The following NCAM2 variants were observed in gnomAD, a reference collection of about 807,000 sequenced individuals.
NCAM2 encodes neural cell adhesion molecule 2.
NCAM2 carries 30 observed loss-of-function variants against 98.1 expected under a neutral mutation model. That is an observed-to-expected ratio of 0.31 (90% CI 0.23 to 0.41). The LOEUF is 0.41. Ranked by LOEUF, NCAM2 falls within the 10% of genes least tolerant of loss-of-function variation. The probability of loss-of-function intolerance (pLI) is 1.00; values close to 1 mark genes in which losing one functional copy is unlikely to be tolerated. For synonymous variants in NCAM2, 368 were observed against 342.4 expected (o/e 1.07, Z -0.83); for missense variants, 867 against 1,005.8 (o/e 0.86, Z 1.87).
intron 12 of NCAM2, among the ~76,000 whole-genome samples, chr21:21,444,137 A>G (rs1979730912): frequency 6.6e-6 from 1 of 152,044 alleles, no homozygotes; most frequent in African/African-American, 2.4e-5. Flanking sequence ...GATTACGTTT[A>G]TTGATTTGTG....
intron 9 of NCAM2, among the ~76,000 whole-genome samples, chr21:21,378,385 T>C (rs1336534943): frequency 6.6e-6 from 1 of 151,988 alleles, no homozygotes; most frequent in African/African-American, 2.4e-5. Context: ...ATGAAGTGAT[T>C]TTTCACTCTG....
intron 12 of NCAM2, among the ~76,000 whole-genome samples, chr21:21,436,857 G>C (rs1457757252): frequency 6.6e-6 from 1 of 151,646 alleles, no homozygotes; most frequent in African/African-American, 2.4e-5. Flanking sequence ...CGCCTGCCGG[G>C]TTCAAGCGAT....
chr21:21,519,319 G>C lies in NCAM2; in HGVS notation c.2282+10264G>C, dbSNP rs576788421. On this transcript the variant is annotated intron_variant, in intron 16 of 17. Transcript: ENST00000400546. ...TAGGGGAATGATTTAAAATCAGGGA[G>C]CCCAGTTAAGAGGAGCTTGAAGTAA... 7.0e-4 allele frequency among the ~76,000 whole-genome samples: 107 copies of C among 152,232 alleles called. 1 individual carries two copies. Among genetic ancestry groups the C allele is most frequent in the African/African-American group, 2.5e-3 (102 of 41,556 alleles).
chr21:21,036,646 T>C (rs1333543675), intron 1 of NCAM2, among the ~76,000 whole-genome samples: 1 of 152,088 alleles, frequency 6.6e-6, no homozygotes, highest in Non-Finnish European at 1.5e-5. Context: ...TAGGAGTAAA[T>C]GATTTTCAGG....
At chr21:21,085,049 A>G (rs112790694) in intron 1 of NCAM2, among the ~76,000 whole-genome samples, 4,744 of 152,254 alleles carry the variant, frequency 0.031, 119 homozygotes, top group Non-Finnish European at 0.045. Context: ...CAATGGGTCA[A>G]CTTCTTCCAT....
intron 1 of NCAM2, among the ~76,000 whole-genome samples, chr21:21,052,049 G>C (rs1166480122): frequency 1.3e-5 from 2 of 151,850 alleles, no homozygotes; most frequent in Non-Finnish European, 2.9e-5. Flanking sequence ...CTGAGGTTTG[G>C]AGTATGAACG....
At chr21:21,365,847 G>A (rs868133948) in intron 8 of NCAM2, among the ~76,000 whole-genome samples, 12 of 152,048 alleles carry the variant, frequency 7.9e-5, no homozygotes, top group Non-Finnish European at 1.0e-4. Context: ...TCAAGACATA[G>A]CACCATAATC....
rs370939239 is a variant in NCAM2 at position 21,442,161 on chromosome 21, T to C, written c.1654+9880T>C. Among the ~76,000 whole-genome samples, 15 of 152,220 alleles carry C rather than the reference T, an allele frequency of 9.9e-5. No homozygotes were observed. The South Asian group carries it at 2.1e-3, about 21-fold the overall frequency. The stretch of plus-strand genomic sequence containing the variant: ...TTGTGTAGAGTATAATGACCTGAAA[T>C]ATCTAGGATCACTCTAGCTACTATC... On this transcript the variant is annotated intron_variant, in intron 12 of 17. Transcript: ENST00000400546.
chr21:21,271,337 C>T (rs1050362561), intron 1 of NCAM2, among the ~76,000 whole-genome samples: 6 of 152,144 alleles, frequency 3.9e-5, no homozygotes, highest in Middle Eastern at 3.2e-3. Context: ...TTTCCAAGAG[C>T]GTATCATCCA....
intron 1 of NCAM2, among the ~76,000 whole-genome samples, chr21:21,242,253 C>CGTA (rs35181724): frequency 0.99 from 150,718 of 152,282 alleles, 74,609 homozygotes; most frequent in Non-Finnish European, 1. Flanking sequence ...TGTGATACAA[C>CGTA]ATGCTTTGAT....
chr21:21,159,526 C>A (rs1030174999), intron 1 of NCAM2, among the ~76,000 whole-genome samples: 5 of 152,042 alleles, frequency 3.3e-5, no homozygotes. Context: ...TGTTTAGATA[C>A]ACAAATAATT....
rs114569708 is a variant in NCAM2 at position 21,098,933 on chromosome 21, C to T, written c.55+100315C>T. On this transcript the variant is annotated intron_variant, in intron 1 of 17. Coordinates refer to ENST00000400546, the MANE Select transcript of NCAM2 (RefSeq NM_004540.5). ...TTCCTGCCTGAAATGGCCAGGCACG[C>T]GATGAGATTGGGATGAGTTTTGGTG... is the stretch of plus-strand genomic sequence containing the variant. 2.7e-3 allele frequency among the ~76,000 whole-genome samples: 413 copies of T among 151,770 alleles called. 1 individual carries two copies. The highest frequency in any genetic ancestry group is 9.5e-3 in the African/African-American group (393 of 41,448).
At chr21:21,288,212 T>G (rs1296954417) in intron 4 of NCAM2, among the ~76,000 whole-genome samples, 1 of 151,936 alleles carries the variant, frequency 6.6e-6, no homozygotes, top group Admixed American at 6.6e-5. Flanking sequence ...AAGATGCAGT[T>G]TTTAAAAAAT....
chr21:21,477,140 T>TGTATCCCTGTGCCTA (rs1485884507), intron 14 of NCAM2, 151 bp from the exon 15 acceptor site: 42 of 485,238 alleles, frequency 8.7e-5, no homozygotes, highest in Non-Finnish European at 2.4e-5. Context: ...ACTGGCTTCA[T>TGTATCCCTGTGCCTA]TGACACAGCA....
At chr21:21,478,533 G>T (rs1272914775) in intron 15 of NCAM2, among the ~76,000 whole-genome samples, 3 of 151,732 alleles carry the variant, frequency 2.0e-5, no homozygotes, top group African/African-American at 4.8e-5. Flanking sequence ...TTTAGTAATT[G>T]AAAGCAGTTT....
At chr21:21,329,778 A>G (rs35815423) in intron 6 of NCAM2, among the ~76,000 whole-genome samples, 25,996 of 152,094 alleles carry the variant, frequency 0.17, 2,617 homozygotes, top group East Asian at 0.25. Flanking sequence ...CAGTGAAACC[A>G]TCCATGTCAT....
At chr21:21,120,438 A>AGTGCCTGTAT (rs1322815692) in intron 1 of NCAM2, among the ~76,000 whole-genome samples, 1 of 151,918 alleles carries the variant, frequency 6.6e-6, no homozygotes, top group Non-Finnish European at 1.5e-5. Flanking sequence ...ACTGTAGGTG[A>AGTGCCTGTAT]GTTAGTGTAT....
chr21:21,418,837 A>C (rs2077047570), intron 11 of NCAM2, among the ~76,000 whole-genome samples: 1 of 152,168 alleles, frequency 6.6e-6, no homozygotes. Context: ...AATAGTTCAC[A>C]ATAAGTTATT....
At chr21:21,059,300 T>A (rs1161476188) in intron 1 of NCAM2, among the ~76,000 whole-genome samples, 1 of 152,106 alleles carries the variant, frequency 6.6e-6, no homozygotes, top group Admixed American at 6.6e-5. Context: ...ACCACATTTT[T>A]AAGGTAAATA....
Sources: allele counts gnomAD v4.1 joint callset (sites outside exome capture counted in the v4.1 genomes callset), GRCh38; gene constraint gnomAD v4.1.1; transcripts MANE v1.5; gene names NCBI Gene and HGNC (gene_info 2026-07-23, HGNC 2026-07-21).